The following NFATC1 variants were observed in gnomAD, a reference collection of about 807,000 sequenced individuals.
NFATC1 encodes nuclear factor of activated T cells 1, also known as nuclear factor of activated T-cells, cytoplasmic 1.
Under a neutral mutation model 76.0 loss-of-function variants are expected in NFATC1, and 22 were observed. The ratio of observed to expected loss-of-function variants is 0.29; its 90% CI spans 0.21 to 0.41. The LOEUF is 0.41. Among genes scored for constraint, NFATC1 ranks in the 10% least tolerant of loss-of-function variants. The probability of loss-of-function intolerance (pLI) is 1.00; values close to 1 mark genes in which losing one functional copy is unlikely to be tolerated. For synonymous variants in NFATC1, 704 were observed against 613.1 expected, an observed-to-expected ratio of 1.15 and a Z score of -2.19; for missense variants, 1,357 against 1,337.7, an observed-to-expected ratio of 1.01 and a Z score of -0.23.
At chr18:79,409,322 A>G (rs529585964) in intron 1 of NFATC1, among the ~76,000 whole-genome samples, 59 of 100,740 alleles carry the variant, frequency 5.9e-4, no homozygotes, top group African/African-American at 1.8e-3. Context: ...TCCATTCCCT[A>G]TCCATTCATT....
chr18:79,448,103 G>A (rs1044094735), intron 3 of NFATC1, among the ~76,000 whole-genome samples: 6 of 152,242 alleles, frequency 3.9e-5, no homozygotes, highest in African/African-American at 1.2e-4. Flanking sequence ...CCCACACGGC[G>A]CCGGCCGAGA....
chr18:79,500,117 A>G (rs1366056934), intron 9 of NFATC1, among the ~76,000 whole-genome samples: 6 of 152,182 alleles, frequency 3.9e-5, no homozygotes, highest in Non-Finnish European at 7.4e-5. Context: ...AACCAACTTT[A>G]CAAGACATCT....
At chr18:79,506,878 A>G (rs78251976) in intron 9 of NFATC1, among the ~76,000 whole-genome samples, 12 of 152,338 alleles carry the variant, frequency 7.9e-5, no homozygotes, top group African/African-American at 1.2e-4. Context: ...ATTCTGAAAC[A>G]GGGTTCTTCC....
At chr18:79,464,679 T>TACACAC (rs1240399312) in intron 7 of NFATC1, among the ~76,000 whole-genome samples, 39 of 110,508 alleles carry the variant, frequency 3.5e-4, no homozygotes, top group African/African-American at 1.6e-3. Context: ...TGTATATGTA[T>TACACAC]GTGTATATAT....
At chr18:79,471,711 A>T (rs958306731) in intron 8 of NFATC1, among the ~76,000 whole-genome samples, 1 of 152,212 alleles carries the variant, frequency 6.6e-6, no homozygotes, top group Non-Finnish European at 1.5e-5. Flanking sequence ...TCATCCCGTG[A>T]CAAGGAGTGG....
At chr18:79,461,202 C>A in intron 6 of NFATC1, 109 bp from the exon 7 acceptor site, 4 of 1,312,668 alleles carry the variant, frequency 3.0e-6, no homozygotes, top group Non-Finnish European at 4.3e-6. Flanking sequence ...TCTCCTGGGA[C>A]AAGGCGCCCT....
At chr18:79,425,199 T>TG (rs1568944743) in intron 2 of NFATC1, among the ~76,000 whole-genome samples, 2 of 88,222 alleles carry the variant, frequency 2.3e-5, no homozygotes, top group Non-Finnish European at 4.3e-5. Context: ...GTCTCTCTGT[T>TG]TCTCTCCCTG....
chr18:79,496,599 G>A (rs998107042), intron 9 of NFATC1: 2 of 152,266 alleles, frequency 1.3e-5, no homozygotes, highest in Non-Finnish European at 2.9e-5. Flanking sequence ...GAGGAGCAGC[G>A]AGGAGCTGAC....
At chr18:79,475,552 T>C (rs1363409114) in intron 8 of NFATC1, among the ~76,000 whole-genome samples, 1 of 141,718 alleles carries the variant, frequency 7.1e-6, no homozygotes, top group African/African-American at 2.7e-5. Flanking sequence ...CTGAGTGAAG[T>C]GTGTTCTCAC....
chr18:79,473,040 G>C (rs535686443), intron 8 of NFATC1, among the ~76,000 whole-genome samples: 14 of 152,250 alleles, frequency 9.2e-5, no homozygotes, highest in Non-Finnish European at 1.2e-4. Context: ...GTCAAGCCGG[G>C]ACCCCTACAC....
At chr18:79,397,166 C>T (rs923985535) in intron 1 of NFATC1, among the ~76,000 whole-genome samples, 8 of 152,176 alleles carry the variant, frequency 5.3e-5, no homozygotes, top group African/African-American at 1.7e-4. Context: ...CTGGCGATGC[C>T]GGGTGGGCTC....
At chr18:79,428,576 G>GGAACAGC in intron 2 of NFATC1, among the ~76,000 whole-genome samples, 1 of 152,210 alleles carries the variant, frequency 6.6e-6, no homozygotes. Flanking sequence ...ACAACAGAGG[G>GGAACAGC]GAACAGCCCA....
rs762260688 is a variant in NFATC1 at position 79,410,100 on chromosome 18, AC to A, written c.128-300del. On this transcript the variant is annotated intron_variant, in intron 1 of 9. Coordinates refer to ENST00000427363, the MANE Select transcript of NFATC1 (RefSeq NM_001278669.2). This position sits in a 1 kb window ranked among gnomAD's most constrained non-coding sequence, Gnocchi z 6.7. ...AGGTGGTTTTTGAATGAAGAGCGGA[AC>A]CCGTGAGGACCCGGCCGCCTCTCCC... The A allele has an allele frequency of 7.0e-6, 5 of 711,270 alleles. No homozygotes were observed. Among genetic ancestry groups the A allele is most frequent in the African/African-American group, 6.9e-5 (4 of 58,028 alleles). The allele number at this position is 711,270 out of a possible 1,614,324, so 44.1% of individuals were successfully genotyped here. A position where few individuals can be genotyped will look rare whatever the true frequency, so the allele number is the denominator to read the frequency against.
At chr18:79,470,373 C>CG (rs1569001388) in intron 8 of NFATC1, 1 of 152,196 alleles carries the variant, frequency 6.6e-6, no homozygotes, top group Non-Finnish European at 1.5e-5. Flanking sequence ...TCTGCATGCC[C>CG]GGGGGTCACG....
In NFATC1 at chr18:79,425,222, T is replaced by TCTCC. The variant is rs1315504734; in HGVS notation, c.1227-8357_1227-8356insCTCC. ...GTTTCTCTCCCTGTCTCTGTCTCTC[T>TCTCC]GTTTCTCTCCCTGTCTCTGTCTCTC... is the stretch of plus-strand genomic sequence containing the variant. On this transcript the variant is annotated intron_variant, in intron 2 of 9. Transcript: ENST00000427363. Among the ~76,000 whole-genome samples the TCTCC allele has an allele frequency of 2.8e-4, 41 of 148,880 alleles. 2 individuals carry two copies. The highest frequency in any genetic ancestry group is 1.0e-3 in the African/African-American group (40 of 38,392).
At chr18:79,444,199 G>A (rs1198205372) in intron 3 of NFATC1, among the ~76,000 whole-genome samples, 1 of 152,056 alleles carries the variant, frequency 6.6e-6, no homozygotes, top group Non-Finnish European at 1.5e-5. Flanking sequence ...TGTGGTGTGT[G>A]TGTGTGCGTG....
Position 79,465,822 on chromosome 18 carries a change from C to T in NFATC1, c.1960-1628C>T, listed in dbSNP as rs1043967446. On this transcript the variant is annotated intron_variant, in intron 7 of 9. Transcript: ENST00000427363. The surrounding 1 kb of genome is among the most constrained non-coding windows in gnomAD (Gnocchi z 4.2). ...AAATGCCGAGACAGGCTCCGGGTGG[C>T]CAGAGCTTCCCGGGTCAGCCCAGGA... is the stretch of plus-strand genomic sequence containing the variant. Among the ~76,000 whole-genome samples, 12 of 152,234 alleles carry T rather than the reference C, an allele frequency of 7.9e-5. No homozygotes were observed. The highest frequency in any genetic ancestry group is 1.6e-4 in the Non-Finnish European group (11 of 68,048).
intron 9 of NFATC1, among the ~76,000 whole-genome samples, chr18:79,515,271 G>A (rs1569047256): frequency 6.7e-6 from 1 of 149,930 alleles, no homozygotes; most frequent in East Asian, 2.0e-4. Context: ...CTTGAACCTG[G>A]AAGGTTGCAG....
chr18:79,483,761 G>A (rs191460644), intron 8 of NFATC1, among the ~76,000 whole-genome samples: 13 of 146,946 alleles, frequency 8.8e-5, no homozygotes, highest in Middle Eastern at 3.6e-3. Context: ...GCGTGACCTC[G>A]TTCCTGAGGT....
Sources: allele counts gnomAD v4.1 joint callset (sites outside exome capture counted in the v4.1 genomes callset), GRCh38; gene constraint gnomAD v4.1.1; non-coding constraint Gnocchi (gnomAD v3.1); transcripts MANE v1.5; gene names NCBI Gene and HGNC (gene_info 2026-07-23, HGNC 2026-07-21).